The following CLDN3 variants were observed in gnomAD, a reference collection of about 807,000 sequenced individuals.
The protein encoded by CLDN3 is claudin 3.
Under a neutral mutation model 16.3 loss-of-function variants are expected in CLDN3, and 6 were observed. The ratio of observed to expected loss-of-function variants is 0.37; its 90% confidence interval spans 0.20 to 0.73. CLDN3 has a LOEUF of 0.73. CLDN3 is among the 30% of genes least tolerant of loss of function. The pLI is 0.52. For synonymous variants in CLDN3, 145 were observed against 150.1 expected (o/e 0.97, Z 0.25); for missense variants, 248 against 305.2 (o/e 0.81, Z 1.40).
Position 73,769,920 on chromosome 7 carries a change from T to C in CLDN3, c.130A>G (p.Asn44Asp). ...TTCATCCACAGGCCCTCCCAGATGT[T>C]CTGCGACGTGATGATGTTGCTGCCG... ...FIGSNIITSQ[N>D]IWEGLWMNCV... is the part of the protein sequence containing the mutation. Residue 44 changes from asparagine (N) to aspartate (D), a missense_variant, in exon 1 of 1, where the codon AAC becomes GAC. Transcript: ENST00000395145. The C allele has an allele frequency of 6.2e-7, 1 of 1,613,300 alleles. No individual in the cohort carries two copies.
Position 73,770,040 on chromosome 7 carries a change from C to T in CLDN3, c.10G>A (p.Gly4Ser), listed in dbSNP as rs372826102. 9 of 1,574,426 alleles carry T rather than the reference C, an allele frequency of 5.7e-6. No individual in the cohort carries two copies. The African/African-American group carries it at 1.2e-4, about 21-fold the overall frequency. The change falls in exon 1 of 1, where the codon GGC becomes AGC. Residue 4 changes from glycine to serine, a missense_variant. By Grantham distance (56) the Gly-to-Ser change is moderately conservative. Transcript: ENST00000395145. This position sits in a 1 kb window ranked among gnomAD's most constrained non-coding sequence, Gnocchi z 5.7. The stretch of plus-strand genomic sequence containing the variant: ...AGCGCGGTGCCCGTGATCTCCAGGC[C>T]CATGGACATGGCTGCCGCGGCAAGG... MSM[G>S]LEITGTALAV...
rs1554626683 is a variant in CLDN3 at position 73,769,651 on chromosome 7, C to T, written c.399G>A (p.Val133=). The T allele has an allele frequency of 1.2e-6, 2 of 1,613,028 alleles. No individual in the cohort carries two copies. Among genetic ancestry groups the T allele is most frequent in the South Asian group, 1.1e-5 (1 of 91,054 alleles). Residue 133 remains valine (V), a synonymous_variant, in exon 1 of 1, where the codon GTG becomes GTA. Coordinates refer to ENST00000395145, the MANE Select transcript of CLDN3 (RefSeq NM_001306.4). The stretch of plus-strand genomic sequence containing the variant: ...TGGTGTTGGCCGACCAGGACACCGG[C>T]ACGAGGGTGAGCAGGGCGGCGAGAA... ...LFLLAALLTL[V]PVSWSANTII...
At position 73,769,228 on chromosome 7, in the gene CLDN3, A is replaced by C. The variant is rs1277242560; in HGVS notation, c.*159T>G. 2 of 1,423,646 alleles carry C rather than the reference A, an allele frequency of 1.4e-6. No homozygotes were observed. The highest frequency in any genetic ancestry group is 1.8e-6 in the Non-Finnish European group (2 of 1,092,560). 88.2% of individuals were successfully genotyped at this position (1,423,646 alleles called of 1,614,324 possible). ...CCCGCAAAGCCGTGGCTGCTGGGGA[A>C]GCTGCCCCAGTCCAGCGCGGGGGCT... On this transcript the variant is annotated 3_prime_UTR_variant, in exon 1 of 1. Coordinates refer to ENST00000395145, the MANE Select transcript of CLDN3 (RefSeq NM_001306.4).
In CLDN3 at chr7:73,770,223, C is replaced by T; in HGVS notation, c.-174G>A. The T allele has an allele frequency of 2.0e-6, 2 of 991,190 alleles. No homozygotes were observed. Among genetic ancestry groups the T allele is most frequent in the Non-Finnish European group, 2.7e-6 (2 of 736,682 alleles). 61.4% of individuals were successfully genotyped at this position (991,190 alleles called of 1,614,324 possible). On this transcript the variant is annotated 5_prime_UTR_variant, in exon 1 of 1. Transcript: ENST00000395145. The surrounding 1 kb of genome is among the most constrained non-coding windows in gnomAD (Gnocchi z 5.7). ...GCTCCATACGCTCTCGCCGCGGCTG[C>T]GCCTGCACCTGCCTGTGGCTTTGTG...
At position 73,769,251 on chromosome 7, in the gene CLDN3, G is replaced by A. The variant is rs1787003718; in HGVS notation, c.*136C>T. On this transcript the variant is annotated 3_prime_UTR_variant, in exon 1 of 1. Transcript: ENST00000395145. ...GAAGCTGCCCCAGTCCAGCGCGGGG[G>A]CTTCCTGGCTTCTGGGGGTGGGCTG... 1.4e-6 allele frequency: 2 copies of A among 1,439,600 alleles called. No individual in the cohort carries two copies. The highest frequency in any genetic ancestry group is 9.1e-7 in the Non-Finnish European group (1 of 1,101,628). The allele number at this position is 1,439,600 out of a possible 1,614,324, so 89.2% of individuals were successfully genotyped here.
In CLDN3 at chr7:73,770,126, C is replaced by A; in HGVS notation, c.-77G>T. ...GAGGGGCCGGGGCCGCTGGGCCTGG[C>A]GGGAGCTGCGGCGCCCCGACGGACG... On this transcript the variant is annotated 5_prime_UTR_variant, in exon 1 of 1. Transcript: ENST00000395145. The surrounding 1 kb of genome is among the most constrained non-coding windows in gnomAD (Gnocchi z 5.7). 1.4e-6 allele frequency: 2 copies of A among 1,383,222 alleles called. No individual in the cohort carries two copies. The highest frequency in any genetic ancestry group is 1.7e-5 in the South Asian group (1 of 60,556). 85.7% of individuals were successfully genotyped at this position (1,383,222 alleles called of 1,614,324 possible).
At position 73,769,501 on chromosome 7, in the gene CLDN3, C is replaced by T. The variant is rs530281908; in HGVS notation, c.549G>A (p.Ser183=). 7.5e-6 allele frequency: 12 copies of T among 1,609,428 alleles called. No individual in the cohort carries two copies. The South Asian group carries it at 8.8e-5, about 12-fold the overall frequency. The change falls in exon 1 of 1, where the codon TCG becomes TCA. Residue 183 remains serine (S), a synonymous_variant. Coordinates refer to ENST00000395145, the MANE Select transcript of CLDN3 (RefSeq NM_001306.4). The part of the protein sequence containing the change: ...QLLGGALLCC[S]CPPREKKYTA... ...TGTACTTCTTCTCGCGTGGGGGACA[C>T]GAGCAGCAGAGCAGCGCGCCCCCCA...
In CLDN3 at chr7:73,770,189, A is replaced by G; in HGVS notation, c.-140T>C. On this transcript the variant is annotated 5_prime_UTR_variant, in exon 1 of 1. The change abolishes the stop of an existing upstream ORF in the 5' untranslated region. Coordinates refer to ENST00000395145, the MANE Select transcript of CLDN3 (RefSeq NM_001306.4). This position sits in a 1 kb window ranked among gnomAD's most constrained non-coding sequence, Gnocchi z 5.7. ...GACTGACTCACCGACGGCGCGCGCT[A>G]ACGGCTCGGCTCCATACGCTCTCGC... is the stretch of plus-strand genomic sequence containing the variant. 1 of 1,285,238 alleles carries G rather than the reference A, an allele frequency of 7.8e-7. No individual in the cohort carries two copies. Among genetic ancestry groups the G allele is most frequent in the Non-Finnish European group, 1.0e-6 (1 of 995,442 alleles). 79.6% of individuals were successfully genotyped at this position (1,285,238 alleles called of 1,614,324 possible). A position where few individuals can be genotyped will look rare whatever the true frequency, so the allele number is the denominator to read the frequency against.
chr7:73,770,175 C>G lies in CLDN3; in HGVS notation c.-126G>C. On this transcript the variant is annotated 5_prime_UTR_variant, in exon 1 of 1. Transcript: ENST00000395145. The surrounding 1 kb of genome is among the most constrained non-coding windows in gnomAD (Gnocchi z 5.7). Reference sequence around the variant, plus strand: ...CGGACGGACGGACGGACTGACTCACCGACGGCGCGCGCTAACGGCTCGGCT... The same window carrying G: ...CGGACGGACGGACGGACTGACTCACGGACGGCGCGCGCTAACGGCTCGGCT... 7.6e-7 allele frequency: 1 copy of G among 1,324,032 alleles called. No individual in the cohort carries two copies. The highest frequency in any genetic ancestry group is 9.7e-7 in the Non-Finnish European group (1 of 1,030,322). 82.0% of individuals were successfully genotyped at this position (1,324,032 alleles called of 1,614,324 possible). A position where few individuals can be genotyped will look rare whatever the true frequency, so the allele number is the denominator to read the frequency against.
rs1787024057 is a variant in CLDN3, at chr7:73,770,039, C to G, written c.11G>C (p.Gly4Ala). ...CAGCGCGGTGCCCGTGATCTCCAGG[C>G]CCATGGACATGGCTGCCGCGGCAAG... MSM[G>A]LEITGTALAV... The change falls in exon 1 of 1, where the codon GGC (glycine) becomes GCC (alanine). Residue 4 changes from glycine (G) to alanine (A), a missense_variant. By Grantham distance (60) the Gly-to-Ala change is moderately conservative (BLOSUM62 0). Coordinates refer to ENST00000395145, the MANE Select transcript of CLDN3 (RefSeq NM_001306.4). The surrounding 1 kb of genome is among the most constrained non-coding windows in gnomAD (Gnocchi z 5.7). 2.5e-6 allele frequency: 4 copies of G among 1,575,914 alleles called. No homozygotes were observed. The highest frequency in any genetic ancestry group is 3.4e-6 in the Non-Finnish European group (4 of 1,160,546).
In CLDN3 at chr7:73,769,280, T is replaced by A. The variant is rs1028301742; in HGVS notation, c.*107A>T. 6.8e-7 allele frequency: 1 copy of A among 1,472,838 alleles called. No homozygotes were observed. The highest frequency in any genetic ancestry group is 8.9e-7 in the Non-Finnish European group (1 of 1,117,896). The allele number at this position is 1,472,838 out of a possible 1,614,324, so 91.2% of individuals were successfully genotyped here. A position where few individuals can be genotyped will look rare whatever the true frequency, so the allele number is the denominator to read the frequency against. On this transcript the variant is annotated 3_prime_UTR_variant, in exon 1 of 1. Transcript: ENST00000395145. ...CCTGGCTTCTGGGGGTGGGCTGGCC[T>A]CCGAGGCAAGGCTGCACGCTGGATG...
rs782754141 is a variant in CLDN3 at position 73,769,520 on chromosome 7, C to T, written c.530G>A (p.Gly177Asp). 1 of 1,606,428 alleles carries T rather than the reference C, an allele frequency of 6.2e-7. No individual in the cohort carries two copies. ...WAAAALQLLGGALLCCSCPPR... is the reference protein window; with the variant it reads ...WAAAALQLLGDALLCCSCPPR... The stretch of plus-strand genomic sequence containing the variant: ...GGGACACGAGCAGCAGAGCAGCGCG[C>T]CCCCCAGCAGCTGCAGCGCCGCGGC... Residue 177 changes from glycine to aspartate, a missense_variant, in exon 1 of 1, where the codon GGC becomes GAC. Physicochemically the swap from Gly to Asp is moderately conservative, Grantham distance 94. Coordinates refer to ENST00000395145, the MANE Select transcript of CLDN3 (RefSeq NM_001306.4).
Position 73,769,920 on chromosome 7 carries a change from T to G in CLDN3, c.130A>C (p.Asn44His), listed in dbSNP as rs781850242. ...FIGSNIITSQ[N>H]IWEGLWMNCV... is the part of the protein sequence containing the mutation. ...TTCATCCACAGGCCCTCCCAGATGT[T>G]CTGCGACGTGATGATGTTGCTGCCG... Residue 44 changes from asparagine (N) to histidine (H), a missense_variant, in exon 1 of 1, where the codon AAC becomes CAC. Physicochemically the swap from Asn to His is moderately conservative, Grantham distance 68. Transcript: ENST00000395145. 1 of 1,613,300 alleles carries G rather than the reference T, an allele frequency of 6.2e-7. No homozygotes were observed. Among genetic ancestry groups the G allele is most frequent in the Admixed American group, 1.7e-5 (1 of 60,030 alleles).
Position 73,769,064 on chromosome 7 carries a change from C to A in CLDN3, c.*323G>T. On this transcript the variant is annotated 3_prime_UTR_variant, in exon 1 of 1. Coordinates refer to ENST00000395145, the MANE Select transcript of CLDN3 (RefSeq NM_001306.4). ...TCCAGGGCTGCCGGTCCCTGCCCAG[C>A]GCGAGCATGGGGGCAGCGGCCCGAT... is the stretch of plus-strand genomic sequence containing the variant. The A allele has an allele frequency of 8.3e-6, 4 of 481,792 alleles. No homozygotes were observed. Among genetic ancestry groups the A allele is most frequent in the Non-Finnish European group, 1.4e-5 (4 of 288,416 alleles). 29.8% of individuals were successfully genotyped at this position (481,792 alleles called of 1,614,324 possible).
chr7:73,769,339 G>A lies in CLDN3; in HGVS notation c.*48C>T. On this transcript the variant is annotated 3_prime_UTR_variant, in exon 1 of 1. Coordinates refer to ENST00000395145, the MANE Select transcript of CLDN3 (RefSeq NM_001306.4). ...CGCGCTCCAGCTCGCGGTGGTGGTG[G>A]TGGTGTTGGTGGTGGTGGTGGTGGT... 1 of 1,548,182 alleles carries A rather than the reference G, an allele frequency of 6.5e-7. No individual in the cohort carries two copies. The highest frequency in any genetic ancestry group is 1.7e-4 in the Middle Eastern group (1 of 5,802).
chr7:73,770,176 GACGGCGCGCGCTA>G lies in CLDN3; in HGVS notation c.-140_-128del. On this transcript the variant is annotated 5_prime_UTR_variant, in exon 1 of 1. The change abolishes the stop of an existing upstream ORF in the 5' untranslated region. Transcript: ENST00000395145. This position sits in a 1 kb window ranked among gnomAD's most constrained non-coding sequence, Gnocchi z 5.7. Reference sequence around the variant, plus strand: ...GGACGGACGGACGGACTGACTCACCGACGGCGCGCGCTAACGGCTCGGCTCCATACGCTCTCGC... The same window carrying G: ...GGACGGACGGACGGACTGACTCACCGACGGCTCGGCTCCATACGCTCTCGC... 2.3e-6 allele frequency: 3 copies of G among 1,323,776 alleles called. No individual in the cohort carries two copies. The highest frequency in any genetic ancestry group is 2.9e-6 in the Non-Finnish European group (3 of 1,029,800). 82.0% of individuals were successfully genotyped at this position (1,323,776 alleles called of 1,614,324 possible). A position where few individuals can be genotyped will look rare whatever the true frequency, so the allele number is the denominator to read the frequency against.
In CLDN3 at chr7:73,770,124, G is replaced by A; in HGVS notation, c.-75C>T. On this transcript the variant is annotated 5_prime_UTR_variant, in exon 1 of 1. Coordinates refer to ENST00000395145, the MANE Select transcript of CLDN3 (RefSeq NM_001306.4). The surrounding 1 kb of genome is among the most constrained non-coding windows in gnomAD (Gnocchi z 5.7). ...ACGAGGGGCCGGGGCCGCTGGGCCTGGCGGGAGCTGCGGCGCCCCGACGGA... is the reference window on the plus strand; with the variant it reads ...ACGAGGGGCCGGGGCCGCTGGGCCTAGCGGGAGCTGCGGCGCCCCGACGGA... The A allele has an allele frequency of 7.2e-7, 1 of 1,388,610 alleles. No homozygotes were observed. Among genetic ancestry groups the A allele is most frequent in the Non-Finnish European group, 9.3e-7 (1 of 1,078,286 alleles). The allele number at this position is 1,388,610 out of a possible 1,614,324, so 86.0% of individuals were successfully genotyped here. A position where few individuals can be genotyped will look rare whatever the true frequency, so the allele number is the denominator to read the frequency against.
Position 73,770,069 on chromosome 7 carries a change from G to T in CLDN3, c.-20C>A. ...GGACATGGCTGCCGCGGCAAGGCCC[G>T]CTCCACCGGGTGGCTCCGGGTGCGG... On this transcript the variant is annotated 5_prime_UTR_variant, in exon 1 of 1. Coordinates refer to ENST00000395145, the MANE Select transcript of CLDN3 (RefSeq NM_001306.4). This position sits in a 1 kb window ranked among gnomAD's most constrained non-coding sequence, Gnocchi z 5.7. The T allele has an allele frequency of 6.7e-7, 1 of 1,493,168 alleles. No individual in the cohort carries two copies. The highest frequency in any genetic ancestry group is 8.9e-7 in the Non-Finnish European group (1 of 1,119,590). 92.5% of individuals were successfully genotyped at this position (1,493,168 alleles called of 1,614,324 possible).
Position 73,769,858 on chromosome 7 carries a change from C to T in CLDN3, c.192G>A (p.Lys64=), listed in dbSNP as rs1554626741. 3.1e-6 allele frequency: 5 copies of T among 1,612,824 alleles called. No homozygotes were observed. The highest frequency in any genetic ancestry group is 4.2e-6 in the Non-Finnish European group (5 of 1,179,962). ...GCAGTGCCAGCAGCGAGTCGTACACCTTGCACTGCATCTGGCCGGTGCTCT... is the reference window on the plus strand; with the variant it reads ...GCAGTGCCAGCAGCGAGTCGTACACTTTGCACTGCATCTGGCCGGTGCTCT... ...VVQSTGQMQC[K]VYDSLLALPQ... The change falls in exon 1 of 1, where the codon AAG becomes AAA. Residue 64 remains lysine, a synonymous_variant. Transcript: ENST00000395145.
Sources: allele counts gnomAD v4.1 joint callset, GRCh38; gene constraint gnomAD v4.1.1; non-coding constraint Gnocchi (gnomAD v3.1); transcripts MANE v1.5; gene names NCBI Gene and HGNC (gene_info 2026-07-23, HGNC 2026-07-21).